The following PTPRM variants were observed in gnomAD, a reference collection of about 807,000 sequenced individuals.
PTPRM encodes receptor-type tyrosine-protein phosphatase mu.
A neutral mutation model predicts 186.7 loss-of-function variants in PTPRM; 47 were observed. The ratio of observed to expected loss-of-function variants is 0.25; its 90% CI spans 0.20 to 0.32. The LOEUF is 0.32. PTPRM is among the 10% of genes least tolerant of loss of function. The pLI is 1.00. For synonymous variants in PTPRM, 668 were observed against 674.9 expected (o/e 0.99, Z 0.16); for missense variants, 1,494 against 1,865.0 (o/e 0.80, Z 3.66).
intron 1 of PTPRM, among the ~76,000 whole-genome samples, chr18:7,605,390 C>A (rs1458952281): frequency 1.3e-5 from 2 of 150,722 alleles, no homozygotes. Flanking sequence ...TTATCACACT[C>A]ATTTTCTTTT....
intron 19 of PTPRM, among the ~76,000 whole-genome samples, chr18:8,265,107 T>A (rs1214775076): frequency 6.6e-6 from 1 of 152,202 alleles, no homozygotes; most frequent in African/African-American, 2.4e-5. Flanking sequence ...GTGTTTGCTT[T>A]GAACAGCGAT....
chr18:8,010,054 A>G (rs572614859), intron 7 of PTPRM, among the ~76,000 whole-genome samples: 2 of 152,342 alleles, frequency 1.3e-5, no homozygotes, highest in South Asian at 2.1e-4. Flanking sequence ...ATATGTAAGT[A>G]TCTGTTCCAT....
chr18:7,814,259 T>C (rs377695755), intron 2 of PTPRM: 3 of 152,280 alleles, frequency 2.0e-5, no homozygotes, highest in African/African-American at 4.8e-5. Context: ...ACAAACTTGC[T>C]GGGGCCTGCT....
At chr18:8,115,216 T>C (rs2091908450) in intron 13 of PTPRM, among the ~76,000 whole-genome samples, 1 of 152,190 alleles carries the variant, frequency 6.6e-6, no homozygotes, top group Non-Finnish European at 1.5e-5. Flanking sequence ...TCACCCACTA[T>C]TTTTAAGTAG....
intron 7 of PTPRM, among the ~76,000 whole-genome samples, chr18:7,961,910 A>G (rs1482642389): frequency 6.6e-6 from 1 of 152,188 alleles, no homozygotes; most frequent in Non-Finnish European, 1.5e-5. Context: ...TTTTTACATA[A>G]CTATAATAAA....
intron 5 of PTPRM, among the ~76,000 whole-genome samples, chr18:7,935,588 T>A (rs1276184976): frequency 6.6e-6 from 1 of 152,204 alleles, no homozygotes; most frequent in Non-Finnish European, 1.5e-5. Flanking sequence ...GGTAGGGCAG[T>A]AGAGAGCCCC....
At chr18:8,284,766 A>G (rs1272631030) in intron 19 of PTPRM, among the ~76,000 whole-genome samples, 1 of 152,116 alleles carries the variant, frequency 6.6e-6, no homozygotes, top group Non-Finnish European at 1.5e-5. Flanking sequence ...TAAATAAATA[A>G]CATAATACTA....
chr18:8,247,347 G>T (rs536269035), intron 15 of PTPRM, among the ~76,000 whole-genome samples: 1 of 152,298 alleles, frequency 6.6e-6, no homozygotes, highest in East Asian at 1.9e-4. Context: ...TAAGGAACAC[G>T]CATGGAGCAC....
chr18:7,654,852 G>T (rs1342638643), intron 1 of PTPRM, among the ~76,000 whole-genome samples: 1 of 152,118 alleles, frequency 6.6e-6, no homozygotes, highest in African/African-American at 2.4e-5. Flanking sequence ...GTTTACTGTA[G>T]CCCTGTAGTA....
At chr18:7,976,393 A>G (rs2054942417) in intron 7 of PTPRM, among the ~76,000 whole-genome samples, 1 of 152,198 alleles carries the variant, frequency 6.6e-6, no homozygotes, top group Admixed American at 6.5e-5. Flanking sequence ...ATGCCATTAT[A>G]TAGTTTCCAA....
intron 11 of PTPRM, among the ~76,000 whole-genome samples, chr18:8,091,529 A>G (rs1016332090): frequency 1.2e-4 from 19 of 152,276 alleles, no homozygotes; most frequent in African/African-American, 4.6e-4. Flanking sequence ...TTAAATGGGT[A>G]AATCGTGTTG....
intron 1 of PTPRM, among the ~76,000 whole-genome samples, chr18:7,692,560 G>C (rs2039757287): frequency 6.6e-6 from 1 of 152,276 alleles, no homozygotes; most frequent in Non-Finnish European, 1.5e-5. Context: ...TATTATTAAG[G>C]GGCCACCAAC....
chr18:7,989,283 G>C (rs762667427), intron 7 of PTPRM, among the ~76,000 whole-genome samples: 2 of 151,840 alleles, frequency 1.3e-5, no homozygotes, highest in Non-Finnish European at 2.9e-5. Flanking sequence ...ACCAAACCAT[G>C]GGCAGTATAT....
At chr18:7,805,526 CT>C (rs1441151586) in intron 2 of PTPRM, among the ~76,000 whole-genome samples, 5 of 152,164 alleles carry the variant, frequency 3.3e-5, no homozygotes, top group Admixed American at 6.5e-5. Context: ...GAGAGTTGAG[CT>C]TTATATTCCC....
At chr18:8,200,787 T>A (rs1437141766) in intron 14 of PTPRM, among the ~76,000 whole-genome samples, 1 of 152,208 alleles carries the variant, frequency 6.6e-6, no homozygotes, top group Non-Finnish European at 1.5e-5. Flanking sequence ...AATTTCACAT[T>A]TGTGTGTTTC....
intron 15 of PTPRM, among the ~76,000 whole-genome samples, chr18:8,246,134 T>C (rs1175549302): frequency 6.6e-6 from 1 of 152,164 alleles, no homozygotes; most frequent in Non-Finnish European, 1.5e-5. Flanking sequence ...CATAATACTG[T>C]CTTGATGTCT....
At chr18:8,235,873 G>T (rs572473049) in intron 14 of PTPRM, among the ~76,000 whole-genome samples, 2 of 151,802 alleles carry the variant, frequency 1.3e-5, no homozygotes, top group South Asian at 4.2e-4. Flanking sequence ...CAAGTATTAG[G>T]GATTTTTCCA....
chr18:7,986,503 G>A (rs1453363476), intron 7 of PTPRM, among the ~76,000 whole-genome samples: 2 of 152,148 alleles, frequency 1.3e-5, no homozygotes, highest in Admixed American at 1.3e-4. Flanking sequence ...GTGAGGATTG[G>A]AAGCCTGTGC....
At chr18:7,912,263 C>T (rs2050313677) in intron 4 of PTPRM, among the ~76,000 whole-genome samples, 1 of 152,106 alleles carries the variant, frequency 6.6e-6, no homozygotes, top group South Asian at 2.1e-4. Flanking sequence ...GCAGTTATTC[C>T]AGCACCACTT....
Sources: allele counts gnomAD v4.1 joint callset (sites outside exome capture counted in the v4.1 genomes callset), GRCh38; gene constraint gnomAD v4.1.1; transcripts MANE v1.5; gene names NCBI Gene and HGNC (gene_info 2026-07-23, HGNC 2026-07-21).